The following USH2A variants were observed in gnomAD, a reference collection of about 807,000 sequenced individuals.
The protein encoded by USH2A is Usher syndrome 2A (autosomal recessive, mild).
USH2A carries 443 observed loss-of-function variants against 538.9 expected under a neutral mutation model. The observed-to-expected ratio is 0.82, with a 90% CI of 0.76 to 0.89. USH2A has a LOEUF of 0.89. Among genes scored for constraint, USH2A ranks in the 40% least tolerant of loss-of-function variants. The pLI is 0.00. For synonymous variants in USH2A, 2,413 were observed against 2,273.5 expected (o/e 1.06, Z -1.75); for missense variants, 6,633 against 6,324.8 (o/e 1.05, Z -1.65).
At chr1:216,205,566 C>G (rs567394852) in intron 16 of USH2A, among the ~76,000 whole-genome samples, 2 of 152,240 alleles carry the variant, frequency 1.3e-5, no homozygotes, top group Non-Finnish European at 2.9e-5. Flanking sequence ...CTATGCGATG[C>G]AGGAGTTTTA....
At position 215,944,546 on chromosome 1, in the gene USH2A, G is replaced by A. The variant is rs530917402; in HGVS notation, c.7121-9751C>T. Among the ~76,000 whole-genome samples the A allele has an allele frequency of 2.6e-5, 4 of 152,074 alleles. No homozygotes were observed. In the East Asian group the frequency reaches 5.8e-4, roughly 22 times the overall value. On this transcript the variant is annotated intron_variant, in intron 37 of 71. Coordinates refer to ENST00000307340, the MANE Select transcript of USH2A (RefSeq NM_206933.4). ...TGTTTTGATTATCTTTCATTATTCA[G>A]CATTAATAAATGCAAATTACTGAAA...
rs1418509216 is a variant in USH2A, at chr1:215,801,656, TG to T, written c.9740-2532del. Among the ~76,000 whole-genome samples, 5 of 152,258 alleles carry T rather than the reference TG, an allele frequency of 3.3e-5. No homozygotes were observed. In the East Asian group the frequency reaches 9.6e-4, roughly 29 times the overall value. On this transcript the variant is annotated intron_variant, in intron 49 of 71. Coordinates refer to ENST00000307340, the MANE Select transcript of USH2A (RefSeq NM_206933.4). ...GATAACCAAATGGAAGAACATCCCA[TG>T]TTTATGGACTGGGAGCCTTAATGTT...
intron 44 of USH2A, among the ~76,000 whole-genome samples, chr1:215,846,561 AT>A (rs1179420620): frequency 3.3e-5 from 5 of 152,262 alleles, no homozygotes; most frequent in Non-Finnish European, 7.4e-5. Context: ...CTCATAATTA[AT>A]TGCAGTCTTA....
At chr1:216,206,724 A>G (rs1306312628) in intron 16 of USH2A, among the ~76,000 whole-genome samples, 1 of 152,216 alleles carries the variant, frequency 6.6e-6, no homozygotes, top group African/African-American at 2.4e-5. Context: ...TTATTTAACA[A>G]TGTACCAGGA....
Position 215,634,394 on chromosome 1 carries a change from T to C in USH2A, c.15297+65A>G. The C allele has an allele frequency of 2.5e-6, 4 of 1,611,976 alleles. No homozygotes were observed. In the Admixed American group the frequency reaches 6.7e-5, roughly 27 times the overall value. Reference sequence around the variant, plus strand: ...TTACCATGGCTATGACACATTTTTCTCAGAAGGAAAACAAGTATTCTAGTC... The same window carrying C: ...TTACCATGGCTATGACACATTTTTCCCAGAAGGAAAACAAGTATTCTAGTC... On this transcript the variant is annotated intron_variant, in intron 70 of 71. Transcript: ENST00000307340.
At chr1:216,312,616 G>A (rs1235598284) in intron 9 of USH2A, among the ~76,000 whole-genome samples, 1 of 152,020 alleles carries the variant, frequency 6.6e-6, no homozygotes, top group Non-Finnish European at 1.5e-5. Flanking sequence ...AAGTGTTTCT[G>A]ATCTCTAGCT....
chr1:216,397,919 A>G (rs1463559189), intron 3 of USH2A, among the ~76,000 whole-genome samples: 1 of 152,228 alleles, frequency 6.6e-6, no homozygotes, highest in East Asian at 1.9e-4. Context: ...ATACACACAC[A>G]GACATGCACC....
intron 71 of USH2A, among the ~76,000 whole-genome samples, chr1:215,626,902 A>G (rs899561007): frequency 6.6e-6 from 1 of 152,174 alleles, no homozygotes; most frequent in African/African-American, 2.4e-5. Flanking sequence ...ATGTATAGCA[A>G]TTGCTGTTTT....
Position 216,418,599 on chromosome 1 carries a change from C to A in USH2A, c.566G>T (p.Arg189Leu), listed in dbSNP as rs747767544. ...ISEKETMFYY[R>L]TVNGLQPPIK... ...TGGAGGTTGCAAACCATTTACTGTG[C>A]GATAATAAAACATGGTCTCTTTCTC... Residue 189 changes from arginine (R) to leucine (L), a missense_variant, in exon 3 of 72, where the codon CGC (arginine) becomes CTC (leucine). Coordinates refer to ENST00000307340, the MANE Select transcript of USH2A (RefSeq NM_206933.4). 1.7e-5 allele frequency: 27 copies of A among 1,613,098 alleles called. No homozygotes were observed. In the Admixed American group the frequency reaches 2.7e-4, roughly 16 times the overall value.
At chr1:216,064,242 A>C (rs956942334) in intron 30 of USH2A, among the ~76,000 whole-genome samples, 1 of 152,118 alleles carries the variant, frequency 6.6e-6, no homozygotes, top group East Asian at 1.9e-4. Context: ...ATTCCACTTT[A>C]GGGTTGTGGG....
intron 11 of USH2A, among the ~76,000 whole-genome samples, chr1:216,269,314 A>G (rs186326732): frequency 2.0e-5 from 3 of 152,128 alleles, no homozygotes; most frequent in Admixed American, 2.0e-4. Flanking sequence ...TCCCCTGCAC[A>G]AGCTCTCTCT....
intron 61 of USH2A, among the ~76,000 whole-genome samples, chr1:215,715,616 G>C (rs541395612): frequency 9.2e-5 from 14 of 152,298 alleles, no homozygotes; most frequent in African/African-American, 3.4e-4. Flanking sequence ...ATAATGAAGA[G>C]AGTTTTCAAG....
intron 14 of USH2A, among the ~76,000 whole-genome samples, chr1:216,218,702 C>T (rs1196804393): frequency 6.6e-6 from 1 of 151,966 alleles, no homozygotes; most frequent in Admixed American, 6.6e-5. Context: ...CTGTAGTTTG[C>T]CGTTTTTATG....
At chr1:215,846,848 A>C (rs1417139674) in intron 44 of USH2A, among the ~76,000 whole-genome samples, 1 of 152,166 alleles carries the variant, frequency 6.6e-6, no homozygotes, top group African/African-American at 2.4e-5. Context: ...TCGCTAACTG[A>C]TACCTAGAAG....
chr1:215,646,508 T>C (rs1220503887), intron 67 of USH2A, among the ~76,000 whole-genome samples: 1 of 152,152 alleles, frequency 6.6e-6, no homozygotes, highest in East Asian at 1.9e-4. Context: ...ATAATGGAGC[T>C]GCCCTGTACC....
chr1:215,967,250 T>C (rs1836937), intron 36 of USH2A, among the ~76,000 whole-genome samples: 67,627 of 152,048 alleles, frequency 0.44, 15,229 homozygotes, highest in Middle Eastern at 0.49. Context: ...GTCACTGGAA[T>C]CCCCACTTCC....
At chr1:215,782,381 C>T (rs1188366942) in intron 53 of USH2A, among the ~76,000 whole-genome samples, 185 bp from the exon 54 acceptor site, 2 of 130,250 alleles carry the variant, frequency 1.5e-5, no homozygotes, top group Non-Finnish European at 3.3e-5. Flanking sequence ...GGATTCTTGA[C>T]ATAAATGATA....
intron 64 of USH2A, among the ~76,000 whole-genome samples, chr1:215,661,322 G>A (rs1481448254): frequency 2.0e-5 from 3 of 152,144 alleles, no homozygotes. Context: ...TCAAAGGGAA[G>A]AGAGAGTTCA....
At chr1:216,264,181 A>G (rs1311043158) in intron 11 of USH2A, among the ~76,000 whole-genome samples, 1 of 152,188 alleles carries the variant, frequency 6.6e-6, no homozygotes, top group Non-Finnish European at 1.5e-5. Flanking sequence ...CTGTATTATC[A>G]AAAGCAATCT....
Sources: gnomAD v4.1 joint callset for allele counts (sites outside exome capture counted in the v4.1 genomes callset) on GRCh38, gnomAD v4.1.1 for gene constraint, MANE v1.5 for transcripts, NCBI Gene and HGNC (gene_info 2026-07-23, HGNC 2026-07-21) for gene names.